SHE: variants seen among roughly 807,000 people sequenced by gnomAD.
The protein encoded by SHE is Src homology 2 domain containing E.
Under a neutral mutation model 49.8 loss-of-function variants are expected in SHE, and 11 were observed. The ratio of observed to expected loss-of-function variants is 0.22; its 90% CI spans 0.14 to 0.37. The LOEUF is 0.37. Among genes scored for constraint, SHE ranks in the 10% least tolerant of loss-of-function variants. The pLI is 1.00. For missense variants in SHE, 624 were observed against 655.5 expected (o/e 0.95, Z 0.52); for synonymous variants, 310 against 278.1 (o/e 1.11, Z -1.14).
intron 2 of SHE, among the ~76,000 whole-genome samples, chr1:154,491,936 T>C (rs1315466440): frequency 2.0e-5 from 3 of 151,752 alleles, no homozygotes; most frequent in Non-Finnish European, 4.4e-5. Flanking sequence ...AGGGGTCAGG[T>C]GAGGAGGAAG....
chr1:154,494,123 C>T (rs904531815), intron 2 of SHE, among the ~76,000 whole-genome samples: 14 of 152,316 alleles, frequency 9.2e-5, no homozygotes, highest in African/African-American at 3.4e-4. Flanking sequence ...CTATTTTCCT[C>T]CTGGAATCAG....
In SHE at chr1:154,489,229, GAGGTCCTTGGAACTCCGTCTTTTGGCCA is replaced by G. The variant is rs1353671402; in HGVS notation, c.818_845del (p.Leu273SerfsTer76). On this transcript the variant is annotated frameshift_variant, in exon 3 of 6. Transcript: ENST00000304760. LOFTEE classifies it high-confidence loss of function. Reference sequence around the variant, plus strand: ...CGTATAGCTGTGGCGGCTTCCCCAGGAGGTCCTTGGAACTCCGTCTTTTGGCCAAGGTCTCTGATTTCAGGCCACCGTC... The same window carrying G: ...CGTATAGCTGTGGCGGCTTCCCCAGGAGGTCTCTGATTTCAGGCCACCGTC... 6.2e-7 allele frequency: 1 copy of G among 1,614,108 alleles called. No individual in the cohort carries two copies. Among genetic ancestry groups the G allele is most frequent in the African/African-American group, 1.3e-5 (1 of 74,936 alleles).
intron 2 of SHE, among the ~76,000 whole-genome samples, chr1:154,496,308 T>G (rs1692529226): frequency 6.6e-6 from 1 of 152,252 alleles, no homozygotes; most frequent in Non-Finnish European, 1.5e-5. Flanking sequence ...TTTTAATAAA[T>G]TTGAATTTAT....
downstream of SHE, among the ~76,000 whole-genome samples, chr1:154,475,508 T>G (rs547974238): frequency 1.3e-5 from 2 of 152,024 alleles, no homozygotes; most frequent in Admixed American, 6.5e-5. Context: ...ATGTTCTAAG[T>G]GCATTTAGGA....
chr1:154,501,782 C>G lies in SHE; in HGVS notation c.245G>C (p.Arg82Pro). ...CCCCAGCTCGGCCGCCGAGTTCTTGCGGCCCTTGCCAGGACCCGGCCCAGC... is the reference window on the plus strand; with the variant it reads ...CCCCAGCTCGGCCGCCGAGTTCTTGGGGCCCTTGCCAGGACCCGGCCCAGC... The part of the protein sequence containing the change: ...GGAGPGPGKG[R>P]KNSAAELGSG... The change falls in exon 1 of 6, where the codon CGC (arginine) becomes CCC (proline). Residue 82 changes from arginine (R) to proline (P), a missense_variant. Physicochemically the swap from Arg to Pro is moderately radical, Grantham distance 103. This residue lies in a region of SHE where 337 missense variants were observed against 306.0 expected (regional missense o/e 1.10). Transcript: ENST00000304760. The G allele has an allele frequency of 6.4e-7, 1 of 1,560,618 alleles. No homozygotes were observed. The highest frequency in any genetic ancestry group is 1.8e-5 in the Admixed American group (1 of 54,336).
At chr1:154,493,428 C>T (rs566782783) in intron 2 of SHE, among the ~76,000 whole-genome samples, 5 of 152,236 alleles carry the variant, frequency 3.3e-5, no homozygotes, top group South Asian at 2.1e-4. Context: ...CAAGAGGAAA[C>T]GAGCCTGAGA....
chr1:154,484,839 C>A (rs1285665093), intron 5 of SHE: 1 of 152,432 alleles, frequency 6.6e-6, no homozygotes, highest in Admixed American at 6.5e-5. Flanking sequence ...GTGGCAGGCA[C>A]CTGTAATCCC....
chr1:154,489,278 C>A lies in SHE; in HGVS notation c.797G>T (p.Gly266Val). 6.2e-7 allele frequency: 1 copy of A among 1,614,230 alleles called. No homozygotes were observed. The highest frequency in any genetic ancestry group is 8.5e-7 in the Non-Finnish European group (1 of 1,180,036). The change falls in exon 3 of 6, where the codon GGT (glycine) becomes GTT (valine). Residue 266 changes from glycine to valine, a missense_variant. Gly to Val is a moderately radical substitution (Grantham distance 109). Transcript: ENST00000304760. ...LLDSPCEPAD[G>V]GLKSETLAKR... Reference sequence around the variant, plus strand: ...GGCCAAGGTCTCTGATTTCAGGCCACCGTCTGCGGGTTCACAGGGACTGTC... The same window carrying A: ...GGCCAAGGTCTCTGATTTCAGGCCAACGTCTGCGGGTTCACAGGGACTGTC...
chr1:154,499,054 T>G (rs1043454668), intron 2 of SHE, 58 bp downstream of exon 2: 4 of 1,595,396 alleles, frequency 2.5e-6, no homozygotes, highest in Non-Finnish European at 3.4e-6. Context: ...GTTACTATAT[T>G]ACAACACTCA....
intron 1 of SHE, among the ~76,000 whole-genome samples, chr1:154,499,737 G>C (rs1237963805): frequency 6.6e-6 from 1 of 152,172 alleles, no homozygotes; most frequent in Non-Finnish European, 1.5e-5. Context: ...CTGTCCTCAA[G>C]GAGTGGATCA....
rs4845635 is a variant in SHE, at chr1:154,501,655, C to G, written c.372G>C (p.Arg124=). 0.83 allele frequency: 1,340,875 copies of G among 1,613,698 alleles called. 559,555 individuals carry two copies. Among genetic ancestry groups the G allele is most frequent in the East Asian group, 0.92 (41,062 of 44,832 alleles). The part of the protein sequence containing the change: ...AAAGKGRKNS[R]ATEEEPHRGA... ...CCCGGTGGGGCTCCTCCTCCGTGGC[C>G]CGGGAGTTTTTGCGGCCCTTGCCCG... The change falls in exon 1 of 6, where the codon CGG becomes CGC. Residue 124 remains arginine, a synonymous_variant. Coordinates refer to ENST00000304760, the MANE Select transcript of SHE (RefSeq NM_001010846.3).
intron 5 of SHE, 120 bp downstream of exon 5, chr1:154,485,823 C>G: frequency 8.0e-7 from 1 of 1,243,454 alleles, no homozygotes; most frequent in Non-Finnish European, 1.1e-6. Context: ...ACAAATGCCT[C>G]TTATTTTCTG....
rs959850182 is a variant in SHE, at chr1:154,481,455, A to T, written c.*2694T>A. 1.1e-5 allele frequency: 11 copies of T among 985,458 alleles called. No individual in the cohort carries two copies. In the East Asian group the frequency reaches 5.7e-4, roughly 51 times the overall value. 61.0% of individuals were successfully genotyped at this position (985,458 alleles called of 1,614,324 possible). The stretch of plus-strand genomic sequence containing the variant: ...CAGAGAAACAGTATAGAAGAAGCAT[A>T]ATACTGGGCATATGACAGAAGCTCA... On this transcript the variant is annotated 3_prime_UTR_variant, in exon 6 of 6. Coordinates refer to ENST00000304760, the MANE Select transcript of SHE (RefSeq NM_001010846.3).
In SHE at chr1:154,480,246, A is replaced by AT; in HGVS notation, c.*3902dup. The AT allele has an allele frequency of 2.0e-6, 2 of 985,460 alleles. No homozygotes were observed. Among genetic ancestry groups the AT allele is most frequent in the Non-Finnish European group, 2.4e-6 (2 of 829,944 alleles). 61.0% of individuals were successfully genotyped at this position (985,460 alleles called of 1,614,324 possible). ...GAGATCTGTGAAGGGTTTCAGTGCAATCCTGCTGAGTGTCAAGGGGTGCGG... is the reference window on the plus strand; with the variant it reads ...GAGATCTGTGAAGGGTTTCAGTGCAATTCCTGCTGAGTGTCAAGGGGTGCGG... On this transcript the variant is annotated 3_prime_UTR_variant, in exon 6 of 6. Transcript: ENST00000304760.
In SHE at chr1:154,483,057, T is replaced by A. The variant is rs1272931580; in HGVS notation, c.*1092A>T. The A allele has an allele frequency of 2.0e-6, 2 of 984,820 alleles. No homozygotes were observed. The highest frequency in any genetic ancestry group is 6.1e-5 in the Admixed American group (1 of 16,262). The allele number at this position is 984,820 out of a possible 1,614,324, so 61.0% of individuals were successfully genotyped here. ...AAAAACAGTTGTGGAGCTTTGCAAATTTCCAGAATTTTAAAATTCAGAAAT... is the reference window on the plus strand; with the variant it reads ...AAAAACAGTTGTGGAGCTTTGCAAAATTCCAGAATTTTAAAATTCAGAAAT... On this transcript the variant is annotated 3_prime_UTR_variant, in exon 6 of 6. Transcript: ENST00000304760.
downstream of SHE, chr1:154,469,657 A>G (rs1479248556): frequency 6.6e-6 from 1 of 152,282 alleles, no homozygotes; most frequent in Non-Finnish European, 1.5e-5. Flanking sequence ...GGCTTTAATT[A>G]TGACAGTATT....
chr1:154,481,171 G>A lies in SHE; in HGVS notation c.*2978C>T. On this transcript the variant is annotated 3_prime_UTR_variant, in exon 6 of 6. Coordinates refer to ENST00000304760, the MANE Select transcript of SHE (RefSeq NM_001010846.3). ...GAGGTTTAACAAGGAAGCCATTAGG[G>A]ACACCCTGCTGGGCCTAATTGTTTT... 4 of 985,404 alleles carry A rather than the reference G, an allele frequency of 4.1e-6. No homozygotes were observed. The highest frequency in any genetic ancestry group is 4.8e-6 in the Non-Finnish European group (4 of 829,934). The allele number at this position is 985,404 out of a possible 1,614,324, so 61.0% of individuals were successfully genotyped here.
rs1162132653 is a variant in SHE, at chr1:154,482,249, C to T, written c.*1900G>A. ...GGCTGGTCTCAAACTCCTGACCTCACGTGATCTGCCTGCCTCAGCCTCCCA... is the reference window on the plus strand; with the variant it reads ...GGCTGGTCTCAAACTCCTGACCTCATGTGATCTGCCTGCCTCAGCCTCCCA... On this transcript the variant is annotated 3_prime_UTR_variant, in exon 6 of 6. Coordinates refer to ENST00000304760, the MANE Select transcript of SHE (RefSeq NM_001010846.3). 8.1e-6 allele frequency: 7 copies of T among 865,428 alleles called. No individual in the cohort carries two copies. Among genetic ancestry groups the T allele is most frequent in the African/African-American group, 3.7e-5 (2 of 54,662 alleles). The allele number at this position is 865,428 out of a possible 1,614,324, so 53.6% of individuals were successfully genotyped here.
chr1:154,484,348 T>A lies in SHE; in HGVS notation c.1302-13A>T. Reference sequence around the variant, plus strand: ...TCCTTGACTAGTCCTGGAATGAAAATCAAGGAGGAGACATGAATGAGTGGG... The same window carrying A: ...TCCTTGACTAGTCCTGGAATGAAAAACAAGGAGGAGACATGAATGAGTGGG... On this transcript the variant is annotated splice_polypyrimidine_tract_variant and intron_variant, in intron 5 of 5. Transcript: ENST00000304760. 6.2e-7 allele frequency: 1 copy of A among 1,601,750 alleles called. No homozygotes were observed. The highest frequency in any genetic ancestry group is 8.5e-7 in the Non-Finnish European group (1 of 1,170,054).
Sources: gnomAD v4.1 joint callset for allele counts (sites outside exome capture counted in the v4.1 genomes callset) on GRCh38, gnomAD v4.1.1 for gene constraint, gnomAD v4.1.1 regional missense constraint, MANE v1.5 for transcripts, NCBI Gene and HGNC (gene_info 2026-07-23, HGNC 2026-07-21) for gene names.